Variants in NCS1 observed in about 807,000 individuals in gnomAD.
NCS1 encodes frequenin homolog.
A neutral mutation model predicts 28.4 loss-of-function variants in NCS1; 6 were observed. The observed-to-expected ratio is 0.21, with a 90% CI of 0.12 to 0.42. The LOEUF is 0.42. Among genes scored for constraint, NCS1 ranks in the 10% least tolerant of loss-of-function variants. The pLI is 1.00. For synonymous variants in NCS1, 86 were observed against 99.3 expected, an observed-to-expected ratio of 0.87 and a Z score of 0.79; for missense variants, 131 against 241.4, an observed-to-expected ratio of 0.54 and a Z score of 3.03.
intron 2 of NCS1, among the ~76,000 whole-genome samples, chr9:130,216,186 C>T (rs1320798897): frequency 2.0e-5 from 3 of 152,170 alleles, no homozygotes; most frequent in African/African-American, 4.8e-5. Flanking sequence ...CAGAGTGCCG[C>T]GCGCACCATG....
rs1271305557 is a variant in NCS1, at chr9:130,205,528, C to T, written c.89+4546C>T. Reference sequence around the variant, plus strand: ...TGCTGCAGGCAATACAGTGAGACCTCGTCTCTTAGAAAAAAAAAAAAAAAA... The same window carrying T: ...TGCTGCAGGCAATACAGTGAGACCTTGTCTCTTAGAAAAAAAAAAAAAAAA... On this transcript the variant is annotated intron_variant, in intron 2 of 7. Coordinates refer to ENST00000372398, the MANE Select transcript of NCS1 (RefSeq NM_014286.4). 1.4e-4 allele frequency among the ~76,000 whole-genome samples: 15 copies of T among 107,344 alleles called. No individual in the cohort carries two copies. The South Asian group carries it at 1.5e-3, about 10-fold the overall frequency. 70.4% of individuals were successfully genotyped at this position (107,344 alleles called of 152,430 possible).
Position 130,192,741 on chromosome 9 carries a change from G to A in NCS1, c.65-8217G>A, listed in dbSNP as rs1215980075. On this transcript the variant is annotated intron_variant, in intron 1 of 7. Coordinates refer to ENST00000372398, the MANE Select transcript of NCS1 (RefSeq NM_014286.4). This position sits in a 1 kb window ranked among gnomAD's most constrained non-coding sequence, Gnocchi z 4.8. ...CTCCCCCAGGAGCCGGTGCTGCAGTGAGTGGGGGGAGTGATCTGAGGCCTT... is the reference window on the plus strand; with the variant it reads ...CTCCCCCAGGAGCCGGTGCTGCAGTAAGTGGGGGGAGTGATCTGAGGCCTT... Among the ~76,000 whole-genome samples, 1 of 152,176 alleles carries A rather than the reference G, an allele frequency of 6.6e-6. No individual in the cohort carries two copies. Among genetic ancestry groups the A allele is most frequent in the African/African-American group, 2.4e-5 (1 of 41,440 alleles).
chr9:130,219,851 G>A lies in NCS1; in HGVS notation c.307+48G>A. ...TGTGTGGCAGCAGCTGGAGGGCCCA[G>A]GTCAGAGGGAGGCAGCCCTCGGCCC... On this transcript the variant is annotated intron_variant, in intron 4 of 7. Coordinates refer to ENST00000372398, the MANE Select transcript of NCS1 (RefSeq NM_014286.4). This position sits in a 1 kb window ranked among gnomAD's most constrained non-coding sequence, Gnocchi z 5.7. 6.3e-7 allele frequency: 1 copy of A among 1,594,396 alleles called. No homozygotes were observed. Among genetic ancestry groups the A allele is most frequent in the Non-Finnish European group, 8.6e-7 (1 of 1,162,506 alleles).
chr9:130,220,877 G>C (rs1009116577), intron 4 of NCS1, among the ~76,000 whole-genome samples: 1 of 151,726 alleles, frequency 6.6e-6, no homozygotes, highest in African/African-American at 2.4e-5. Flanking sequence ...GAGCAGAGTG[G>C]ACTGTGGGGA....
chr9:130,181,806 G>A lies in NCS1; in HGVS notation c.64+9079G>A, dbSNP rs1241761685. On this transcript the variant is annotated intron_variant, in intron 1 of 7. Transcript: ENST00000372398. The surrounding 1 kb of genome is among the most constrained non-coding windows in gnomAD (Gnocchi z 5.0). ...GTCCCGATTCACGTGGGCACGCTCC[G>A]AGCGTGAGTGACGGGGTCATGGCGT... 1.3e-5 allele frequency among the ~76,000 whole-genome samples: 2 copies of A among 152,144 alleles called. No individual in the cohort carries two copies. The highest frequency in any genetic ancestry group is 2.4e-5 in the African/African-American group (1 of 41,428).
At chr9:130,217,068 A>G (rs1172489403) in intron 2 of NCS1, among the ~76,000 whole-genome samples, 1 of 152,180 alleles carries the variant, frequency 6.6e-6, no homozygotes, top group African/African-American at 2.4e-5. Flanking sequence ...CCTGATACCA[A>G]CAAGAGGGGT....
At chr9:130,182,926 G>C (rs1030079593) in intron 1 of NCS1, among the ~76,000 whole-genome samples, 1 of 152,238 alleles carries the variant, frequency 6.6e-6, no homozygotes, top group East Asian at 1.9e-4. Context: ...TGGGTTTTGG[G>C]GGCATGGTGG....
At chr9:130,202,746 A>G (rs1254680172) in intron 2 of NCS1, among the ~76,000 whole-genome samples, 1 of 151,712 alleles carries the variant, frequency 6.6e-6, no homozygotes, top group African/African-American at 2.4e-5. Flanking sequence ...TGCCCCACTA[A>G]TTTTTATATT....
At position 130,235,858 on chromosome 9, in the gene NCS1, G is replaced by T. The variant is rs766232961; in HGVS notation, c.*2886G>T. On this transcript the variant is annotated 3_prime_UTR_variant, in exon 8 of 8. Coordinates refer to ENST00000372398, the MANE Select transcript of NCS1 (RefSeq NM_014286.4). ...CGCTTCAGATGCTCTGATGCAGAGGGCACGCCCATAGTCCCTCTGCAGAGC... is the reference window on the plus strand; with the variant it reads ...CGCTTCAGATGCTCTGATGCAGAGGTCACGCCCATAGTCCCTCTGCAGAGC... The T allele has an allele frequency of 2.0e-5, 3 of 152,342 alleles. No individual in the cohort carries two copies. Among genetic ancestry groups the T allele is most frequent in the Non-Finnish European group, 4.4e-5 (3 of 68,118 alleles). 9.4% of individuals were successfully genotyped at this position (152,342 alleles called of 1,614,324 possible).
At chr9:130,214,767 C>T (rs1554909147) in intron 2 of NCS1, among the ~76,000 whole-genome samples, 1 of 152,252 alleles carries the variant, frequency 6.6e-6, no homozygotes, top group Non-Finnish European at 1.5e-5. Context: ...TCAGGCTGGG[C>T]ACCCTCTCAT....
rs1832856840 is a variant in NCS1 at position 130,194,657 on chromosome 9, GT to G, written c.65-6298del. Among the ~76,000 whole-genome samples the G allele has an allele frequency of 5.3e-5, 8 of 152,298 alleles. No individual in the cohort carries two copies. In the South Asian group the frequency reaches 1.7e-3, roughly 32 times the overall value. ...GAGGTTCAGAGGGGTTAAGAAACTT[GT>G]TTGGAATCACCCAGGCTTCAAGTGG... On this transcript the variant is annotated intron_variant, in intron 1 of 7. Transcript: ENST00000372398.
chr9:130,193,577 C>A (rs1554906471), intron 1 of NCS1, among the ~76,000 whole-genome samples: 1 of 151,906 alleles, frequency 6.6e-6, no homozygotes, highest in Non-Finnish European at 1.5e-5. Context: ...TCCCTTTGGG[C>A]CACGTGGAGC....
chr9:130,233,629 A>G lies in NCS1; in HGVS notation c.*657A>G, dbSNP rs561302968. On this transcript the variant is annotated 3_prime_UTR_variant, in exon 8 of 8. Transcript: ENST00000372398. This position sits in a 1 kb window ranked among gnomAD's most constrained non-coding sequence, Gnocchi z 4.8. ...GAAAGTGAGGTTTTTTTTTATATAC[A>G]TATATAATTGATATCTTTAATTTAT... 1.3e-5 allele frequency: 2 copies of G among 152,006 alleles called. No individual in the cohort carries two copies. Among genetic ancestry groups the G allele is most frequent in the Non-Finnish European group, 2.9e-5 (2 of 67,936 alleles). 9.4% of individuals were successfully genotyped at this position (152,006 alleles called of 1,614,324 possible).
At chr9:130,173,620 C>G (rs1419957854) in intron 1 of NCS1, among the ~76,000 whole-genome samples, 1 of 152,158 alleles carries the variant, frequency 6.6e-6, no homozygotes. Context: ...GCTTCAGCAT[C>G]GGGGTCTGGA....
At chr9:130,227,113 C>G (rs1833427090) in intron 7 of NCS1, among the ~76,000 whole-genome samples, 1 of 151,990 alleles carries the variant, frequency 6.6e-6, no homozygotes, top group South Asian at 2.1e-4. Flanking sequence ...CAACCAGGGC[C>G]AGGGACCTGG....
intron 1 of NCS1, among the ~76,000 whole-genome samples, chr9:130,179,996 TATCTATCTATC>T (rs1832630742): frequency 0.014 from 1 of 72 alleles, no homozygotes; most frequent in African/African-American, 0.042. Flanking sequence ...GCCTTCTTTT[TATCTATCTATC>T]TATCTATCTA....
intron 7 of NCS1, among the ~76,000 whole-genome samples, chr9:130,231,928 CTG>C (rs1833506302): frequency 6.6e-6 from 1 of 150,784 alleles, no homozygotes; most frequent in South Asian, 2.1e-4. Flanking sequence ...GGTTGCCTCA[CTG>C]TGGTTTTTTG....
At chr9:130,218,637 G>C (rs1375184318) in intron 3 of NCS1, among the ~76,000 whole-genome samples, 1 of 151,782 alleles carries the variant, frequency 6.6e-6, no homozygotes, top group Admixed American at 6.6e-5. Context: ...TGTTGCCGAG[G>C]CTGGAGTGCA....
At chr9:130,204,054 G>A (rs558640732) in intron 2 of NCS1, among the ~76,000 whole-genome samples, 2 of 152,122 alleles carry the variant, frequency 1.3e-5, no homozygotes, top group South Asian at 4.2e-4. Flanking sequence ...GTGCAGTGGC[G>A]CAATCTCAGC....
Sources: gnomAD v4.1 joint callset for allele counts (sites outside exome capture counted in the v4.1 genomes callset) on GRCh38, gnomAD v4.1.1 for gene constraint, Gnocchi (gnomAD v3.1) non-coding constraint, MANE v1.5 for transcripts, NCBI Gene and HGNC (gene_info 2026-07-23, HGNC 2026-07-21) for gene names.